Variants in SLC24A2 observed in about 807,000 individuals in gnomAD.
The protein encoded by SLC24A2 is solute carrier family 24 member 2.
Under a neutral mutation model 62.0 loss-of-function variants are expected in SLC24A2, and 36 were observed. The observed-to-expected ratio is 0.58, with a 90% CI of 0.44 to 0.77. The LOEUF (loss-of-function observed/expected upper bound fraction) is 0.77, where lower values mean the gene tolerates loss of function less well. Among genes scored for constraint, SLC24A2 ranks in the 30% least tolerant of loss-of-function variants. The probability of loss-of-function intolerance (pLI) is 0.00; values close to 1 mark genes in which losing one functional copy is unlikely to be tolerated. For missense variants in SLC24A2, 846 were observed against 817.9 expected (o/e 1.03, Z -0.42); for synonymous variants, 358 against 294.0 (o/e 1.22, Z -2.23).
the SLC24A2 span, among the ~76,000 whole-genome samples, chr9:19,925,139 G>A: frequency 6.6e-6 from 1 of 152,152 alleles, no homozygotes; most frequent in Non-Finnish European, 1.5e-5. Context: ...CCACAGACCT[G>A]CACAGATGTG....
the SLC24A2 span, among the ~76,000 whole-genome samples, chr9:19,832,868 T>C: frequency 6.6e-6 from 1 of 152,208 alleles, no homozygotes; most frequent in Middle Eastern, 3.4e-3. Flanking sequence ...ATCCAGAATC[T>C]ACAATGAACT....
the SLC24A2 span, among the ~76,000 whole-genome samples, chr9:19,996,390 C>T: frequency 6.6e-6 from 1 of 152,164 alleles, no homozygotes; most frequent in Non-Finnish European, 1.5e-5. Flanking sequence ...CACTCCGTAA[C>T]ATATTTATAT....
At chr9:19,544,249 C>A (rs1318735485) in intron 8 of SLC24A2, among the ~76,000 whole-genome samples, 5 of 89,872 alleles carry the variant, frequency 5.6e-5, no homozygotes, top group East Asian at 7.1e-4. Flanking sequence ...AGGATTGCAA[C>A]CCCTGCTTTT....
upstream of SLC24A2, among the ~76,000 whole-genome samples, chr9:19,791,028 G>T (rs1385083559): frequency 1.3e-5 from 2 of 152,188 alleles, no homozygotes; most frequent in Non-Finnish European, 2.9e-5. Flanking sequence ...GCACTTGGTT[G>T]CACATAATAA....
chr9:19,711,913 C>T (rs1820726109), intron 2 of SLC24A2, among the ~76,000 whole-genome samples: 1 of 152,154 alleles, frequency 6.6e-6, no homozygotes, highest in African/African-American at 2.4e-5. Flanking sequence ...CCCAAAAGGA[C>T]TTCAGGATCC....
intron 5 of SLC24A2, among the ~76,000 whole-genome samples, chr9:19,585,674 T>C (rs953469791): frequency 6.6e-6 from 1 of 152,258 alleles, no homozygotes; most frequent in South Asian, 2.1e-4. Flanking sequence ...TATCTGTTTA[T>C]GACTTTTGGA....
chr9:19,955,786 G>A, the SLC24A2 span, among the ~76,000 whole-genome samples: 1 of 151,948 alleles, frequency 6.6e-6, no homozygotes, highest in African/African-American at 2.4e-5. Flanking sequence ...AATCAATCAG[G>A]ATAACACTAG....
intron 9 of SLC24A2, 76 bp from the exon 10 acceptor site, chr9:19,521,136 G>A (rs907212741): frequency 1.3e-5 from 18 of 1,349,362 alleles, no homozygotes; most frequent in Middle Eastern, 1.8e-4. Flanking sequence ...ATTTCAATGC[G>A]ACCTCCTTTT....
chr9:19,548,277 AT>A (rs988517731), intron 8 of SLC24A2, among the ~76,000 whole-genome samples: 6 of 151,610 alleles, frequency 4.0e-5, no homozygotes, highest in South Asian at 4.2e-4. Flanking sequence ...TTTTTAAATG[AT>A]TTTTTTTTCT....
At chr9:20,080,349 C>T in the SLC24A2 span, among the ~76,000 whole-genome samples, 2 of 152,166 alleles carry the variant, frequency 1.3e-5, no homozygotes, top group African/African-American at 4.8e-5. Flanking sequence ...TGATCTTTGA[C>T]AAACCTGACA....
At chr9:19,601,121 A>C (rs1483059770) in intron 4 of SLC24A2, among the ~76,000 whole-genome samples, 2 of 152,140 alleles carry the variant, frequency 1.3e-5, no homozygotes, top group Non-Finnish European at 2.9e-5. Context: ...AAAACACACC[A>C]ATCAGTGCTC....
chr9:19,560,202 C>T (rs572357443), intron 7 of SLC24A2, among the ~76,000 whole-genome samples: 3 of 152,172 alleles, frequency 2.0e-5, no homozygotes, highest in Admixed American at 6.5e-5. Flanking sequence ...ACCGTTAGAC[C>T]ATATGATAGA....
At chr9:19,530,624 T>G (rs1249495211) in intron 8 of SLC24A2, among the ~76,000 whole-genome samples, 1 of 152,096 alleles carries the variant, frequency 6.6e-6, no homozygotes, top group African/African-American at 2.4e-5. Flanking sequence ...AAGCAAGGTA[T>G]CAGAAAAGGA....
At chr9:20,178,427 C>A in the SLC24A2 span, among the ~76,000 whole-genome samples, 2 of 152,228 alleles carry the variant, frequency 1.3e-5, no homozygotes, top group African/African-American at 4.8e-5. Context: ...ACAGTTTGCT[C>A]CCCCACATGT....
At chr9:19,591,499 A>C (rs1234494162) in intron 5 of SLC24A2, among the ~76,000 whole-genome samples, 1 of 152,220 alleles carries the variant, frequency 6.6e-6, no homozygotes, top group African/African-American at 2.4e-5. Context: ...CCTTGAAACT[A>C]GGTAGTCATG....
chr9:19,879,218 G>A, the SLC24A2 span, among the ~76,000 whole-genome samples: 4 of 152,168 alleles, frequency 2.6e-5, no homozygotes, highest in African/African-American at 9.7e-5. Context: ...TAGAGATGCT[G>A]AAACACAGGG....
the SLC24A2 span, among the ~76,000 whole-genome samples, chr9:19,873,274 C>CTCTT: frequency 6.7e-6 from 1 of 150,050 alleles, no homozygotes; most frequent in East Asian, 2.0e-4. Flanking sequence ...TTTCTTTTCT[C>CTCTT]TCTTTCTTTC....
intron 2 of SLC24A2, among the ~76,000 whole-genome samples, chr9:19,766,003 C>CT: frequency 6.6e-6 from 1 of 152,200 alleles, no homozygotes; most frequent in East Asian, 1.9e-4. Flanking sequence ...CCTTTTCATT[C>CT]TTTTTTCTCT....
the SLC24A2 span, among the ~76,000 whole-genome samples, chr9:19,891,454 A>G: frequency 6.6e-6 from 1 of 152,242 alleles, no homozygotes; most frequent in Non-Finnish European, 1.5e-5. Context: ...ACAGTTCTGC[A>G]TGGCACCAGC....
Sources: gnomAD v4.1 joint callset for allele counts (sites outside exome capture counted in the v4.1 genomes callset) on GRCh38, gnomAD v4.1.1 for gene constraint, MANE v1.5 for transcripts, NCBI Gene and HGNC (gene_info 2026-07-23, HGNC 2026-07-21) for gene names.